Variants in APBB2 observed in about 807,000 individuals in gnomAD.
The protein encoded by APBB2 is amyloid beta precursor protein binding family B member 2.
APBB2 carries 38 observed loss-of-function variants against 82.5 expected under a neutral mutation model. The observed-to-expected ratio is 0.46, with a 90% confidence interval of 0.36 to 0.60. The LOEUF (loss-of-function observed/expected upper bound fraction) is 0.60, where lower values mean the gene tolerates loss of function less well. APBB2 is among the 20% of genes least tolerant of loss of function. APBB2 has a pLI of 0.00. For missense variants in APBB2, 772 were observed against 972.3 expected, an observed-to-expected ratio of 0.79 and a Z score of 2.74; for synonymous variants, 341 against 368.2, an observed-to-expected ratio of 0.93 and a Z score of 0.85.
chr4:41,020,427 T>C (rs899937734), intron 5 of APBB2, among the ~76,000 whole-genome samples: 4 of 152,178 alleles, frequency 2.6e-5, no homozygotes, highest in Admixed American at 2.0e-4. Flanking sequence ...GGAACTCCTG[T>C]AGAAGCAGTT....
chr4:41,119,144 A>T (rs1455668416), intron 2 of APBB2, among the ~76,000 whole-genome samples: 4 of 33,272 alleles, frequency 1.2e-4, no homozygotes, highest in East Asian at 9.6e-4. Context: ...TCTCAAAAAT[A>T]ATTGATTTTT....
intron 6 of APBB2, among the ~76,000 whole-genome samples, chr4:40,954,443 A>G (rs1032425350): frequency 6.6e-6 from 1 of 152,140 alleles, no homozygotes; most frequent in African/African-American, 2.4e-5. Context: ...ACTCTGTGCC[A>G]GACACTGGTT....
Position 41,033,293 on chromosome 4 carries a change from A to AT in APBB2, c.-40dup. ...TCAGCAATGGTGCAGGAAATAGGTT[A>AT]TAATTTGAAATCTAAAAAGAAGGGA... is the stretch of plus-strand genomic sequence containing the variant. On this transcript the variant is annotated 5_prime_UTR_variant, in exon 5 of 18. The change abolishes the stop of an existing upstream ORF in the 5' untranslated region. Coordinates refer to ENST00000508593, the MANE Select transcript of APBB2 (RefSeq NM_004307.2). 6.3e-7 allele frequency: 1 copy of AT among 1,577,112 alleles called. No individual in the cohort carries two copies. Among genetic ancestry groups the AT allele is most frequent in the Non-Finnish European group, 8.6e-7 (1 of 1,160,920 alleles).
intron 12 of APBB2, among the ~76,000 whole-genome samples, chr4:40,856,769 C>T (rs974230023): frequency 1.3e-5 from 2 of 152,228 alleles, no homozygotes; most frequent in Non-Finnish European, 2.9e-5. Context: ...GGTCCAAGGA[C>T]GCCTCCCCCC....
At chr4:40,944,455 C>T (rs531514552) in intron 7 of APBB2, among the ~76,000 whole-genome samples, 18 of 152,294 alleles carry the variant, frequency 1.2e-4, no homozygotes, top group Admixed American at 5.9e-4. Context: ...ATCAAACGAG[C>T]CCAAGGCTAA....
chr4:41,210,623 G>A lies in APBB2; in HGVS notation c.-417+3782C>T, dbSNP rs1288873110. Reference sequence around the variant, plus strand: ...TGACATCTAATTTCATTTGTTGGTAGTGCAACATTATTGAAAATAAATGAA... The same window carrying A: ...TGACATCTAATTTCATTTGTTGGTAATGCAACATTATTGAAAATAAATGAA... On this transcript the variant is annotated intron_variant, in intron 1 of 17. Transcript: ENST00000508593. Among the ~76,000 whole-genome samples, 3 of 152,218 alleles carry A rather than the reference G, an allele frequency of 2.0e-5. No individual in the cohort carries two copies. The East Asian group carries it at 5.8e-4, about 29-fold the overall frequency.
intron 12 of APBB2, among the ~76,000 whole-genome samples, chr4:40,884,296 AC>A (rs1313788896): frequency 1.3e-5 from 2 of 152,188 alleles, no homozygotes; most frequent in African/African-American, 4.8e-5. Context: ...ATACTAAAGC[AC>A]CTTTTAAATC....
chr4:40,937,819 A>G (rs953218976), intron 7 of APBB2, among the ~76,000 whole-genome samples: 1 of 152,238 alleles, frequency 6.6e-6, no homozygotes, highest in African/African-American at 2.4e-5. Flanking sequence ...TACATGGTCT[A>G]TTCATCTAAC....
intron 6 of APBB2, among the ~76,000 whole-genome samples, chr4:40,973,033 T>C (rs1462393691): frequency 1.3e-5 from 2 of 152,224 alleles, no homozygotes; most frequent in Non-Finnish European, 2.9e-5. Flanking sequence ...CACATTAGAT[T>C]CTTTCCTTCC....
intron 12 of APBB2, chr4:40,857,101 C>T (rs1442732175): frequency 2.0e-6 from 2 of 985,404 alleles, no homozygotes; most frequent in East Asian, 2.3e-4. Flanking sequence ...GGTGCCGGCA[C>T]CAGCCAGCGG....
intron 1 of APBB2, among the ~76,000 whole-genome samples, chr4:41,189,155 G>A (rs1353754658): frequency 2.0e-5 from 3 of 152,170 alleles, no homozygotes; most frequent in Non-Finnish European, 4.4e-5. Context: ...CAACAGTAAA[G>A]TGGATAGGCT....
chr4:40,938,905 T>C (rs1413780140), intron 7 of APBB2, among the ~76,000 whole-genome samples: 1 of 152,176 alleles, frequency 6.6e-6, no homozygotes, highest in Non-Finnish European at 1.5e-5. Context: ...GGTGGGGCCT[T>C]TAAGAGGCGC....
intron 2 of APBB2, among the ~76,000 whole-genome samples, chr4:41,123,249 T>C (rs958865693): frequency 1.3e-5 from 2 of 151,818 alleles, no homozygotes; most frequent in African/African-American, 2.4e-5. Context: ...GGCTGAACAG[T>C]GGCAAGCAGA....
intron 6 of APBB2, among the ~76,000 whole-genome samples, chr4:40,950,047 G>A (rs1343227348): frequency 6.6e-6 from 1 of 152,154 alleles, no homozygotes; most frequent in African/African-American, 2.4e-5. Context: ...AACTGCGGGG[G>A]CTACTGAAGG....
At chr4:40,894,597 C>T (rs185754190) in intron 10 of APBB2, among the ~76,000 whole-genome samples, 30 of 152,280 alleles carry the variant, frequency 2.0e-4, no homozygotes, top group African/African-American at 6.5e-4. Context: ...GCGTTTGTGA[C>T]GAGGGAATCT....
rs1194282599 is a variant in APBB2 at position 40,832,945 on chromosome 4, G to A, written c.1530-2368C>T. 6.6e-6 allele frequency among the ~76,000 whole-genome samples: 1 copy of A among 152,122 alleles called. No homozygotes were observed. The highest frequency in any genetic ancestry group is 2.4e-5 in the African/African-American group (1 of 41,420). On this transcript the variant is annotated intron_variant, in intron 12 of 17. Coordinates refer to ENST00000508593, the MANE Select transcript of APBB2 (RefSeq NM_004307.2). This position sits in a 1 kb window ranked among gnomAD's most constrained non-coding sequence, Gnocchi z 4.8. ...TTGCTCAGTACTGAATGGGTTCCAC[G>A]ACTGGGCTCGGGGGTGGGTTGGGGC...
At chr4:41,108,245 T>C (rs929495833) in intron 2 of APBB2, among the ~76,000 whole-genome samples, 90 of 152,220 alleles carry the variant, frequency 5.9e-4, no homozygotes, top group African/African-American at 2.1e-3. Context: ...CTAGTAACCA[T>C]AGTTACTTGT....
intron 1 of APBB2, among the ~76,000 whole-genome samples, chr4:41,181,371 C>T (rs1423958743): frequency 6.6e-6 from 1 of 152,198 alleles, no homozygotes; most frequent in Non-Finnish European, 1.5e-5. Context: ...GTTAATTATA[C>T]TTTGCTTATA....
At chr4:40,856,113 G>T (rs1267798859) in intron 12 of APBB2, among the ~76,000 whole-genome samples, 1 of 152,196 alleles carries the variant, frequency 6.6e-6, no homozygotes, top group Non-Finnish European at 1.5e-5. Flanking sequence ...AACAGCATGA[G>T]GAAAGCAGGC....
Sources: allele counts gnomAD v4.1 joint callset (sites outside exome capture counted in the v4.1 genomes callset), GRCh38; gene constraint gnomAD v4.1.1; non-coding constraint Gnocchi (gnomAD v3.1); transcripts MANE v1.5; gene names NCBI Gene and HGNC (gene_info 2026-07-23, HGNC 2026-07-21).